Variants in HIF3A observed in about 807,000 individuals in gnomAD.
HIF3A encodes hypoxia-inducible factor 3-alpha.
HIF3A carries 41 observed loss-of-function variants against 67.2 expected under a neutral mutation model. The observed-to-expected ratio is 0.61, with a 90% CI of 0.48 to 0.79. The LOEUF is 0.79. Ranked by LOEUF, HIF3A falls within the 30% of genes least tolerant of loss-of-function variation. The pLI is 0.00. For synonymous variants in HIF3A, 356 were observed against 374.8 expected (o/e 0.95, Z 0.58); for missense variants, 855 against 898.0 (o/e 0.95, Z 0.61).
At chr19:46,323,343 C>T (rs1048205739) in intron 10 of HIF3A, among the ~76,000 whole-genome samples, 7 of 151,808 alleles carry the variant, frequency 4.6e-5, no homozygotes, top group African/African-American at 1.7e-4. Flanking sequence ...GCCACCGCGC[C>T]CGGCCTCTGG....
chr19:46,315,590 A>G (rs937566389), intron 8 of HIF3A, among the ~76,000 whole-genome samples: 1 of 152,142 alleles, frequency 6.6e-6, no homozygotes, highest in African/African-American at 2.4e-5. Flanking sequence ...TGGAATGGAT[A>G]GGTTATATAG....
intron 8 of HIF3A, among the ~76,000 whole-genome samples, chr19:46,319,752 G>C (rs2147221174): frequency 6.6e-6 from 1 of 152,114 alleles, no homozygotes; most frequent in Admixed American, 6.6e-5. Flanking sequence ...CCCGCTCTTT[G>C]CCCCTGGGCC....
At chr19:46,299,084 G>A (rs1968105811) in intron 1 of HIF3A, among the ~76,000 whole-genome samples, 1 of 152,238 alleles carries the variant, frequency 6.6e-6, no homozygotes. Context: ...GCCTCACCCT[G>A]AGCCCGCCAG....
intron 10 of HIF3A, 122 bp from the exon 11 acceptor site, chr19:46,325,413 C>G: frequency 1.4e-6 from 1 of 691,404 alleles, no homozygotes; most frequent in East Asian, 2.5e-5. Flanking sequence ...CCGTTGGACC[C>G]CCTTTGTGCC....
In HIF3A at chr19:46,303,929, C is replaced by G; in HGVS notation, c.58C>G (p.Arg20Gly). The stretch of plus-strand genomic sequence containing the variant: ...CACGGAGCTGCGCAAGGAAAAGTCC[C>G]GGGATGCGGCCCGCAGCCGGCGCAG... ...STTELRKEKS[R>G]DAARSRRSQE... Residue 20 changes from arginine to glycine, a missense_variant, in exon 2 of 15, where the codon CGG becomes GGG. Around this residue, in one of 3 missense-constraint regions of HIF3A, gnomAD observed 638 missense variants for 660.5 expected, o/e 0.97. Coordinates refer to ENST00000377670, the MANE Select transcript of HIF3A (RefSeq NM_152795.4). 6.2e-7 allele frequency: 1 copy of G among 1,608,702 alleles called. No individual in the cohort carries two copies. The highest frequency in any genetic ancestry group is 8.5e-7 in the Non-Finnish European group (1 of 1,178,048).
At chr19:46,331,359 G>A in intron 13 of HIF3A, 86 bp downstream of exon 13, 1 of 1,070,076 alleles carries the variant, frequency 9.3e-7, no homozygotes, top group Non-Finnish European at 1.4e-6. Context: ...AACCAGAGAG[G>A]GGCAGGGGCT....
intron 12 of HIF3A, among the ~76,000 whole-genome samples, chr19:46,329,978 AT>A (rs1176652179): frequency 6.3e-4 from 66 of 104,088 alleles, no homozygotes; most frequent in African/African-American, 2.2e-3. Flanking sequence ...AAAAAAAAAG[AT>A]AGAGAGAGAG....
intron 12 of HIF3A, among the ~76,000 whole-genome samples, chr19:46,329,926 A>G (rs1322295142): frequency 7.2e-6 from 1 of 138,642 alleles, no homozygotes; most frequent in African/African-American, 2.8e-5. Flanking sequence ...GTGCCACTGC[A>G]CTCCAGCCTG....
In HIF3A at chr19:46,341,805, C is replaced by A. The variant is rs1324857696; in HGVS notation, c.*2183C>A. On this transcript the variant is annotated 3_prime_UTR_variant, in exon 15 of 15. Coordinates refer to ENST00000377670, the MANE Select transcript of HIF3A (RefSeq NM_152795.4). ...TACAGGAGCCCACCACCACATCCGG[C>A]TACCTTTGTGTATTTTTTAGTAGAG... 1 of 151,834 alleles carries A rather than the reference C, an allele frequency of 6.6e-6. No individual in the cohort carries two copies. Among genetic ancestry groups the A allele is most frequent in the Non-Finnish European group, 1.5e-5 (1 of 68,000 alleles). The allele number at this position is 151,834 out of a possible 1,614,324, so 9.4% of individuals were successfully genotyped here.
chr19:46,313,911 C>T (rs928540503), intron 8 of HIF3A, among the ~76,000 whole-genome samples: 5 of 152,122 alleles, frequency 3.3e-5, no homozygotes, highest in African/African-American at 9.7e-5. Flanking sequence ...ATCCACCCCC[C>T]TCAGCCTCCC....
At chr19:46,300,908 C>A (rs887178105) in intron 1 of HIF3A, among the ~76,000 whole-genome samples, 1 of 152,118 alleles carries the variant, frequency 6.6e-6, no homozygotes, top group African/African-American at 2.4e-5. Context: ...AGCCCAGCCA[C>A]AGAGGATTAC....
At chr19:46,304,246 C>T in intron 2 of HIF3A, 158 bp downstream of exon 2, 1 of 639,950 alleles carries the variant, frequency 1.6e-6, no homozygotes, top group Non-Finnish European at 2.7e-6. Flanking sequence ...CTGGAATCGA[C>T]TTCCCCGGGG....
intron 9 of HIF3A, among the ~76,000 whole-genome samples, chr19:46,321,543 C>T (rs937118572): frequency 7.2e-5 from 11 of 152,162 alleles, no homozygotes; most frequent in Admixed American, 2.0e-4. Context: ...GAGATAGTGC[C>T]ACTGCACTCC....
chr19:46,330,734 TGGATGGCAGATG>T (rs1485161497), intron 12 of HIF3A, among the ~76,000 whole-genome samples: 2 of 141,942 alleles, frequency 1.4e-5, no homozygotes, highest in Admixed American at 7.0e-5. Context: ...GGATGGCAGA[TGGATGGCAGATG>T]GGATGGCAGA....
At chr19:46,339,347 G>C (rs990660084) in intron 14 of HIF3A, among the ~76,000 whole-genome samples, 178 bp from the exon 15 acceptor site, 1 of 152,160 alleles carries the variant, frequency 6.6e-6, no homozygotes, top group Non-Finnish European at 1.5e-5. Context: ...GTGCTCTCAT[G>C]GCAACTAGCC....
Position 46,334,154 on chromosome 19 carries a change from C to T in HIF3A, c.1831-751C>T, listed in dbSNP as rs139231259. Among the ~76,000 whole-genome samples the T allele has an allele frequency of 1.9e-3, 296 of 151,954 alleles. 6 individuals carry two copies. The East Asian group carries it at 0.042, about 21-fold the overall frequency. ...TCTACCAGGCTAGAGTGCAGTGGCA[C>T]GATCTTGGCTCACTACAACCTCCTC... is the stretch of plus-strand genomic sequence containing the variant. On this transcript the variant is annotated intron_variant, in intron 13 of 14. Transcript: ENST00000377670.
intron 5 of HIF3A, among the ~76,000 whole-genome samples, 161 bp downstream of exon 5, chr19:46,308,936 G>A (rs1969169389): frequency 6.6e-6 from 1 of 152,092 alleles, no homozygotes; most frequent in Non-Finnish European, 1.5e-5. Context: ...AGGAGCATGG[G>A]TGTCTGTGGA....
intron 1 of HIF3A, 156 bp from the exon 2 acceptor site, chr19:46,303,742 C>G: frequency 6.6e-7 from 1 of 1,524,522 alleles, no homozygotes; most frequent in Non-Finnish European, 8.9e-7. Flanking sequence ...GCCCAGGGAG[C>G]GCCGCGAACT....
At chr19:46,322,837 G>A (rs556783264) in intron 10 of HIF3A, among the ~76,000 whole-genome samples, 231 of 152,246 alleles carry the variant, frequency 1.5e-3, no homozygotes, top group African/African-American at 5.3e-3. Context: ...GCACGGATAC[G>A]GATGAAGGGA....
Sources: gnomAD v4.1 joint callset for allele counts (sites outside exome capture counted in the v4.1 genomes callset) on GRCh38, gnomAD v4.1.1 for gene constraint, gnomAD v4.1.1 regional missense constraint, MANE v1.5 for transcripts, NCBI Gene and HGNC (gene_info 2026-07-23, HGNC 2026-07-21) for gene names.